The following COL5A1 variants were observed in gnomAD, a reference collection of about 807,000 sequenced individuals.
COL5A1 encodes collagen type V alpha 1 chain.
A neutral mutation model predicts 263.7 loss-of-function variants in COL5A1; 16 were observed. That is an observed-to-expected ratio of 0.06 (90% confidence interval 0.04 to 0.09). The LOEUF (loss-of-function observed/expected upper bound fraction) is 0.09, where lower values mean the gene tolerates loss of function less well. COL5A1 is among the 10% of genes least tolerant of loss of function. The pLI is 1.00. For synonymous variants in COL5A1, 1,012 were observed against 1,004.5 expected (o/e 1.01, Z -0.14); for missense variants, 2,036 against 2,540.5 (o/e 0.80, Z 4.27).
chr9:134,763,798 G>T (rs935148084), intron 20 of COL5A1, 61 bp downstream of exon 20: 19 of 1,508,778 alleles, frequency 1.3e-5, no homozygotes, highest in Admixed American at 5.1e-5. Context: ...TTTGTCCAAG[G>T]CTCCTGCTGG....
At chr9:134,770,597 A>C (rs115684385) in intron 25 of COL5A1, among the ~76,000 whole-genome samples, 2,288 of 152,372 alleles carry the variant, frequency 0.015, 49 homozygotes, top group African/African-American at 0.051. Context: ...AGATGATTCT[A>C]TCATACAATT....
rs1424921275 is a variant in COL5A1 at position 134,809,270 on chromosome 9, C to T, written c.3454C>T (p.Pro1152Ser). ...GGGTCCAGCTGGCCCTGTGGGTCCC[C>T]CTGGAGAAGACGGAGATAAGGTAAG... is the stretch of plus-strand genomic sequence containing the variant. Reference protein sequence around the residue: ...LPGPAGPVGPPGEDGDKGEIG... With the variant: ...LPGPAGPVGPSGEDGDKGEIG... Residue 1152 changes from proline (P) to serine (S), a missense_variant, in exon 43 of 66, where the codon CCT becomes TCT. Pro to Ser is a moderately conservative substitution (Grantham distance 74). Coordinates refer to ENST00000371817, the MANE Select transcript of COL5A1 (RefSeq NM_000093.5). The T allele has an allele frequency of 1.2e-6, 2 of 1,609,018 alleles. No individual in the cohort carries two copies. The highest frequency in any genetic ancestry group is 3.4e-5 in the Admixed American group (2 of 59,660).
rs149912828 is a variant in COL5A1, at chr9:134,761,959, C to T, written c.1970C>T (p.Pro657Leu). 9.6e-5 allele frequency: 155 copies of T among 1,613,424 alleles called. No homozygotes were observed. Among genetic ancestry groups the T allele is most frequent in the Middle Eastern group, 3.3e-4 (2 of 6,082 alleles). ...DPGPSGPPGP[P>L]GDDGERGDDG... ...GGTCCTTCCGGCCCACCAGGACCTCCGGGAGACGATGGAGAAAGGGTAGGT... is the reference window on the plus strand; with the variant it reads ...GGTCCTTCCGGCCCACCAGGACCTCTGGGAGACGATGGAGAAAGGGTAGGT... The change falls in exon 19 of 66, where the codon CCG (proline) becomes CTG (leucine). Residue 657 changes from proline to leucine, a missense_variant. Physicochemically the swap from Pro to Leu is moderately conservative, Grantham distance 98. Coordinates refer to ENST00000371817, the MANE Select transcript of COL5A1 (RefSeq NM_000093.5).
At chr9:134,822,033 G>C (rs1410212612) in intron 58 of COL5A1, 64 bp from the exon 59 acceptor site, 73 of 1,432,118 alleles carry the variant, frequency 5.1e-5, no homozygotes, top group Non-Finnish European at 7.0e-5. Flanking sequence ...TGGGTAGCAG[G>C]GTTGCAGCCC....
chr9:134,670,385 G>GCAA (rs1444167915), intron 1 of COL5A1, among the ~76,000 whole-genome samples: 1 of 152,206 alleles, frequency 6.6e-6, no homozygotes, highest in African/African-American at 2.4e-5. Flanking sequence ...TGTCACCTGA[G>GCAA]CAACTGTGCC....
intron 1 of COL5A1, among the ~76,000 whole-genome samples, chr9:134,685,940 ACCATCCAT>A (rs146827064): frequency 1.4e-5 from 2 of 146,190 alleles, no homozygotes; most frequent in Non-Finnish European, 3.0e-5. Context: ...CCATCCATCC[ACCATCCAT>A]CCATCCATCC....
At chr9:134,825,549 A>C (rs1839231206) in intron 62 of COL5A1, among the ~76,000 whole-genome samples, 1 of 152,140 alleles carries the variant, frequency 6.6e-6, no homozygotes, top group African/African-American at 2.4e-5. Context: ...GGCCACCAGA[A>C]CACGTACCCA....
chr9:134,800,749 C>CAGAAA (rs1838082215), intron 37 of COL5A1, among the ~76,000 whole-genome samples: 1 of 81,602 alleles, frequency 1.2e-5, no homozygotes, highest in African/African-American at 4.5e-5. Context: ...CTGTCTCAAA[C>CAGAAA]AAAAAAAAAA....
At chr9:134,728,945 G>A in intron 6 of COL5A1, 138 bp downstream of exon 6, 2 of 1,121,314 alleles carry the variant, frequency 1.8e-6, no homozygotes, top group Non-Finnish European at 2.6e-6. Flanking sequence ...GCTCAGTGAG[G>A]GAGCCGGCTG....
chr9:134,749,157 C>T (rs146441941), intron 11 of COL5A1, among the ~76,000 whole-genome samples: 4,812 of 152,256 alleles, frequency 0.032, 112 homozygotes, highest in Middle Eastern at 0.048. Context: ...ATTGCTTGAA[C>T]CGGGGAGGCG....
chr9:134,726,574 G>A (rs1336023627), intron 4 of COL5A1, among the ~76,000 whole-genome samples: 1 of 151,896 alleles, frequency 6.6e-6, no homozygotes, highest in Non-Finnish European at 1.5e-5. Flanking sequence ...GTGGACAGAC[G>A]GATGGAGGAG....
intron 18 of COL5A1, among the ~76,000 whole-genome samples, chr9:134,761,094 C>T (rs1277578721): frequency 7.0e-6 from 1 of 142,574 alleles, no homozygotes; most frequent in Non-Finnish European, 1.5e-5. Context: ...TGCACACACC[C>T]CACACATGCA....
chr9:134,842,102 C>A lies in COL5A1; in HGVS notation c.5371-55C>A, dbSNP rs1257685719. 4 of 1,604,222 alleles carry A rather than the reference C, an allele frequency of 2.5e-6. No individual in the cohort carries two copies. The highest frequency in any genetic ancestry group is 2.2e-5 in the East Asian group (1 of 44,836). ...CAGATTGTGGGGGGTGATTGGTAAA[C>A]CCCAAGACCCCCAACTGTTCTTAAC... On this transcript the variant is annotated intron_variant, in intron 65 of 65. Coordinates refer to ENST00000371817, the MANE Select transcript of COL5A1 (RefSeq NM_000093.5). This position sits in a 1 kb window ranked among gnomAD's most constrained non-coding sequence, Gnocchi z 5.8.
intron 44 of COL5A1, 75 bp downstream of exon 44, chr9:134,810,383 C>A (rs1482281706): frequency 3.6e-6 from 5 of 1,399,340 alleles, no homozygotes; most frequent in Non-Finnish European, 5.0e-6. Flanking sequence ...GGCCGTGTGC[C>A]ATGCACGTTC....
At chr9:134,675,685 G>A (rs561793198) in intron 1 of COL5A1, among the ~76,000 whole-genome samples, 2 of 152,306 alleles carry the variant, frequency 1.3e-5, no homozygotes, top group Non-Finnish European at 2.9e-5. Flanking sequence ...GGCTTGTTTG[G>A]GGCTGGGGGA....
rs113401160 is a variant in COL5A1, at chr9:134,730,569, C to T, written c.1164+94C>T. ...GCTGAGCTCCCTTCTTACTCCAGTT[C>T]TCACCTTGGTGTCCTCGGGTGGCCC... is the stretch of plus-strand genomic sequence containing the variant. On this transcript the variant is annotated intron_variant, in intron 7 of 65. Coordinates refer to ENST00000371817, the MANE Select transcript of COL5A1 (RefSeq NM_000093.5). 0.025 allele frequency: 39,931 copies of T among 1,567,352 alleles called. 586 individuals carry two copies. Among genetic ancestry groups the T allele is most frequent in the Middle Eastern group, 0.061 (367 of 5,986 alleles).
intron 1 of COL5A1, among the ~76,000 whole-genome samples, chr9:134,675,564 A>G (rs2132520641): frequency 6.6e-6 from 1 of 152,254 alleles, no homozygotes; most frequent in African/African-American, 2.4e-5. Context: ...CGGAACAATC[A>G]CTTCAATACC....
At chr9:134,823,140 C>G in intron 60 of COL5A1, 107 bp downstream of exon 60, 1 of 1,321,956 alleles carries the variant, frequency 7.6e-7, no homozygotes, top group South Asian at 1.2e-5. Flanking sequence ...AGCTCAGGCC[C>G]TGCTGCTCAC....
chr9:134,768,552 T>C, intron 25 of COL5A1, 89 bp downstream of exon 25: 1 of 1,357,848 alleles, frequency 7.4e-7, no homozygotes, highest in Admixed American at 1.7e-5. Flanking sequence ...TTGGGGTTGT[T>C]GTTGGACGGC....
Sources: allele counts gnomAD v4.1 joint callset (sites outside exome capture counted in the v4.1 genomes callset), GRCh38; gene constraint gnomAD v4.1.1; non-coding constraint Gnocchi (gnomAD v3.1); transcripts MANE v1.5; gene names NCBI Gene and HGNC (gene_info 2026-07-23, HGNC 2026-07-21).